Variants in SIK3 observed in about 807,000 individuals in gnomAD.
The protein encoded by SIK3 is serine/threonine-protein kinase SIK3.
In SIK3, 28 loss-of-function variants were observed where a neutral mutation model predicts 144.2. The observed-to-expected ratio is 0.19, with a 90% CI of 0.14 to 0.27. The LOEUF (loss-of-function observed/expected upper bound fraction) is 0.27, where lower values mean the gene tolerates loss of function less well. Ranked by LOEUF, SIK3 falls within the 10% of genes least tolerant of loss-of-function variation. The pLI is 1.00. For missense variants in SIK3, 1,319 were observed against 1,776.0 expected (o/e 0.74, Z 4.62); for synonymous variants, 686 against 676.3 (o/e 1.01, Z -0.22).
intron 1 of SIK3, among the ~76,000 whole-genome samples, chr11:117,058,961 C>A (rs1428586042): frequency 6.6e-6 from 1 of 152,040 alleles, no homozygotes; most frequent in Admixed American, 6.6e-5. Flanking sequence ...TGAAAGTGAC[C>A]AATTATGGCA....
intron 1 of SIK3, among the ~76,000 whole-genome samples, chr11:116,994,129 T>A (rs1565536337): frequency 6.6e-6 from 1 of 152,242 alleles, no homozygotes; most frequent in Admixed American, 6.5e-5. Flanking sequence ...GCCTCCCTTC[T>A]CCAGCCTTAA....
rs142077504 is a variant in SIK3, at chr11:116,880,644, T to C, written c.866-3602A>G. Among the ~76,000 whole-genome samples, 285 of 152,290 alleles carry C rather than the reference T, an allele frequency of 1.9e-3. 2 individuals are homozygous for C. The highest frequency in any genetic ancestry group is 6.4e-3 in the African/African-American group (267 of 41,562). ...TTCATGAAATTAAATTCAGATGAGA[T>C]TTGAAGACACCATTCTACATAAAAC... On this transcript the variant is annotated intron_variant, in intron 6 of 24. Transcript: ENST00000445177.
Position 117,090,031 on chromosome 11 carries a change from C to T in SIK3, c.273+8112G>A, listed in dbSNP as rs547594896. On this transcript the variant is annotated intron_variant, in intron 1 of 24. Transcript: ENST00000445177. ...CATCCAACAGTTCCGTACTCGCTTCCGCAATTCTATTCTGAACAGATCCAA... is the reference window on the plus strand; with the variant it reads ...CATCCAACAGTTCCGTACTCGCTTCTGCAATTCTATTCTGAACAGATCCAA... Among the ~76,000 whole-genome samples, 9 of 152,342 alleles carry T rather than the reference C, an allele frequency of 5.9e-5. No homozygotes were observed. In the South Asian group the frequency reaches 1.4e-3, roughly 25 times the overall value.
intron 6 of SIK3, among the ~76,000 whole-genome samples, chr11:116,885,932 A>C (rs1349672065): frequency 1.3e-5 from 2 of 152,222 alleles, no homozygotes; most frequent in African/African-American, 2.4e-5. Context: ...CTGAACATTA[A>C]ATAAGGTAAT....
At chr11:117,012,365 T>C (rs1951299216) in intron 1 of SIK3, among the ~76,000 whole-genome samples, 2 of 152,142 alleles carry the variant, frequency 1.3e-5, no homozygotes, top group Admixed American at 6.5e-5. Flanking sequence ...CTAAAGCCAA[T>C]GGCCCCTGCT....
intron 21 of SIK3, among the ~76,000 whole-genome samples, chr11:116,850,742 C>T (rs1046262768): frequency 4.6e-5 from 7 of 152,116 alleles, no homozygotes; most frequent in Non-Finnish European, 8.8e-5. Flanking sequence ...CTCTTTAGGC[C>T]GGGTGCGTGT....
In SIK3 at chr11:116,956,997, A is replaced by G; in HGVS notation, c.341T>C (p.Val114Ala). 2 of 1,611,182 alleles carry G rather than the reference A, an allele frequency of 1.2e-6. No homozygotes were observed. The change falls in exon 2 of 25, where the codon GTT becomes GCT. Residue 114 changes from valine to alanine, a missense_variant. Physicochemically the swap from Val to Ala is moderately conservative, Grantham distance 64 (BLOSUM62 0). Transcript: ENST00000445177. ...EENLKKIFRE[V>A]QIMKMLCHPH... ...GTGGCAAAGCATCTTCATAATTTGA[A>G]CTTCCCGGAAAATCTTCTTCAAGTT...
At chr11:116,986,592 T>C (rs1249930642) in intron 1 of SIK3, among the ~76,000 whole-genome samples, 4 of 152,240 alleles carry the variant, frequency 2.6e-5, no homozygotes, top group Admixed American at 2.0e-4. Flanking sequence ...TACATTGTCA[T>C]GCACCCAATC....
At chr11:116,954,194 T>C (rs566569378) in intron 2 of SIK3, 87 bp from the exon 3 acceptor site, 25 of 1,025,440 alleles carry the variant, frequency 2.4e-5, no homozygotes, top group South Asian at 1.8e-4. Context: ...CTTTTCTCAT[T>C]TGAAATATTA....
chr11:116,992,722 C>T (rs1213321024), intron 1 of SIK3, among the ~76,000 whole-genome samples: 1 of 152,164 alleles, frequency 6.6e-6, no homozygotes, highest in African/African-American at 2.4e-5. Flanking sequence ...TAGCTCATGA[C>T]TATAATAATC....
chr11:117,007,350 C>G (rs11216226), intron 1 of SIK3, among the ~76,000 whole-genome samples: 12,275 of 152,266 alleles, frequency 0.081, 640 homozygotes, highest in African/African-American at 0.13. Flanking sequence ...TGCACTCCAG[C>G]CTGGGTGAGA....
chr11:116,897,921 T>C (rs1591264470), intron 4 of SIK3, among the ~76,000 whole-genome samples: 1 of 151,954 alleles, frequency 6.6e-6, no homozygotes, highest in Non-Finnish European at 1.5e-5. Context: ...TGGATGATGT[T>C]AAGACCACAT....
chr11:117,010,251 T>C (rs1951201698), intron 1 of SIK3, among the ~76,000 whole-genome samples: 1 of 152,164 alleles, frequency 6.6e-6, no homozygotes, highest in African/African-American at 2.4e-5. Flanking sequence ...CTCTTTCCCA[T>C]TCTCCCATTC....
intron 1 of SIK3, among the ~76,000 whole-genome samples, chr11:117,038,349 C>T (rs182117644): frequency 1.3e-5 from 2 of 149,918 alleles, no homozygotes; most frequent in African/African-American, 2.5e-5. Flanking sequence ...GAATAAACTG[C>T]TACAAGATAC....
At position 116,844,618 on chromosome 11, in the gene SIK3, AAT is replaced by A. The variant is rs201144269; in HGVS notation, c.*1023_*1024del. Reference sequence around the variant, plus strand: ...TATTTTATATATATATTATATATATAATATATATATAATATATTATATTATAT... The same window carrying A: ...TATTTTATATATATATTATATATATAATATATATAATATATTATATTATAT... On this transcript the variant is annotated 3_prime_UTR_variant, in exon 25 of 25. Transcript: ENST00000445177. 65 of 40,726 alleles carry A rather than the reference AAT, an allele frequency of 1.6e-3. 1 individual carries two copies. Among genetic ancestry groups the A allele is most frequent in the African/African-American group, 0.01 (49 of 4,770 alleles). 2.5% of individuals were successfully genotyped at this position (40,726 alleles called of 1,614,324 possible).
At chr11:116,922,905 C>CTTTT (rs1565455993) in intron 4 of SIK3, among the ~76,000 whole-genome samples, 3 of 118,692 alleles carry the variant, frequency 2.5e-5, no homozygotes, top group Non-Finnish European at 3.4e-5. Context: ...CTTTTCTTTT[C>CTTTT]TCTTTTTTTT....
At chr11:117,052,198 A>G (rs1953281930) in intron 1 of SIK3, among the ~76,000 whole-genome samples, 1 of 152,182 alleles carries the variant, frequency 6.6e-6, no homozygotes, top group African/African-American at 2.4e-5. Context: ...GAGAATCCTA[A>G]TACAAGTCCA....
At chr11:117,017,843 T>C (rs113659958) in intron 1 of SIK3, among the ~76,000 whole-genome samples, 1 of 152,298 alleles carries the variant, frequency 6.6e-6, no homozygotes, top group Non-Finnish European at 1.5e-5. Context: ...GAGGTTCAAA[T>C]TAAACAATAT....
chr11:116,926,923 A>G (rs1238218362), intron 4 of SIK3, among the ~76,000 whole-genome samples: 1 of 150,422 alleles, frequency 6.6e-6, no homozygotes, highest in Non-Finnish European at 1.5e-5. Flanking sequence ...TGGGAGGCTG[A>G]GGCAGGAGAA....
Sources: allele counts gnomAD v4.1 joint callset (sites outside exome capture counted in the v4.1 genomes callset), GRCh38; gene constraint gnomAD v4.1.1; transcripts MANE v1.5; gene names NCBI Gene and HGNC (gene_info 2026-07-23, HGNC 2026-07-21).